DPP10: variants seen among roughly 807,000 people sequenced by gnomAD.
The protein encoded by DPP10 is inactive dipeptidyl peptidase 10.
In DPP10, 33 loss-of-function variants were observed where a neutral mutation model predicts 120.9. The observed-to-expected ratio is 0.27, with a 90% CI of 0.21 to 0.37. The LOEUF (loss-of-function observed/expected upper bound fraction) is 0.37, where lower values mean the gene tolerates loss of function less well. DPP10 is among the 10% of genes least tolerant of loss of function. DPP10 has a pLI of 1.00. For missense variants in DPP10, 816 were observed against 942.8 expected (o/e 0.87, Z 1.76); for synonymous variants, 337 against 326.1 (o/e 1.03, Z -0.36).
At chr2:114,975,848 A>T (rs1020290384) in intron 1 of DPP10, among the ~76,000 whole-genome samples, 1 of 151,992 alleles carries the variant, frequency 6.6e-6, no homozygotes, top group African/African-American at 2.4e-5. Flanking sequence ...ATGGGGTTTC[A>T]CCATGTTGGC....
At chr2:115,160,026 C>T (rs888081806) in intron 1 of DPP10, among the ~76,000 whole-genome samples, 26 of 152,228 alleles carry the variant, frequency 1.7e-4, no homozygotes, top group Admixed American at 1.2e-3. Flanking sequence ...TATAAAAATG[C>T]GAACATTTTC....
At chr2:115,404,334 T>C (rs910825645) in intron 3 of DPP10, among the ~76,000 whole-genome samples, 8 of 152,102 alleles carry the variant, frequency 5.3e-5, no homozygotes, top group Admixed American at 3.3e-4. Context: ...AACAGGATGG[T>C]CCTACTCATG....
At chr2:114,481,985 AAGAGAG>A (rs149076386) in intron 1 of DPP10, among the ~76,000 whole-genome samples, 1 of 150,116 alleles carries the variant, frequency 6.7e-6, no homozygotes, top group African/African-American at 2.5e-5. Context: ...GAGAGAAAGA[AAGAGAG>A]AGAGAGAGAA....
intron 5 of DPP10, among the ~76,000 whole-genome samples, chr2:115,623,796 A>C (rs2085157791): frequency 6.6e-6 from 1 of 152,180 alleles, no homozygotes; most frequent in African/African-American, 2.4e-5. Context: ...TATCTCTAGC[A>C]AGATTTCCAA....
intron 1 of DPP10, among the ~76,000 whole-genome samples, chr2:114,824,171 G>C (rs1686334288): frequency 6.6e-6 from 1 of 152,176 alleles, no homozygotes; most frequent in Admixed American, 6.5e-5. Context: ...AGGATAATAG[G>C]ATGAGCTCAA....
chr2:115,704,186 A>G (rs1209809653), intron 7 of DPP10, among the ~76,000 whole-genome samples: 1 of 151,872 alleles, frequency 6.6e-6, no homozygotes, highest in African/African-American at 2.4e-5. Context: ...TCTGGATGAA[A>G]GACACCTGAC....
intron 5 of DPP10, among the ~76,000 whole-genome samples, chr2:115,650,992 CTGACAGAGAGCCCCA>C (rs2087721950): frequency 6.6e-6 from 1 of 152,000 alleles, no homozygotes; most frequent in African/African-American, 2.4e-5. Context: ...CCTAAATCCC[CTGACAGAGAGCCCCA>C]TGCCACCATA....
At chr2:114,912,753 C>A (rs1055929442) in intron 1 of DPP10, among the ~76,000 whole-genome samples, 1 of 152,292 alleles carries the variant, frequency 6.6e-6, no homozygotes, top group East Asian at 1.9e-4. Context: ...CATAGAGTGG[C>A]CCCCTCTCAT....
chr2:115,281,846 A>G (rs1209456752), intron 1 of DPP10, among the ~76,000 whole-genome samples: 1 of 152,144 alleles, frequency 6.6e-6, no homozygotes, highest in Non-Finnish European at 1.5e-5. Context: ...TTTTAAAAGT[A>G]AGGTGTATTT....
chr2:114,750,254 T>TA (rs796682957), intron 1 of DPP10, among the ~76,000 whole-genome samples: 14 of 147,594 alleles, frequency 9.5e-5, no homozygotes, highest in East Asian at 2.0e-4. Flanking sequence ...TGGAAGTTGT[T>TA]AAAAAAAAAA....
At chr2:115,545,755 A>T (rs1340409127) in intron 5 of DPP10, among the ~76,000 whole-genome samples, 1 of 152,040 alleles carries the variant, frequency 6.6e-6, no homozygotes, top group African/African-American at 2.4e-5. Flanking sequence ...GCTCACAAAG[A>T]CTATATGGGA....
chr2:115,234,025 A>G (rs1480136784), intron 1 of DPP10: 2 of 491,610 alleles, frequency 4.1e-6, no homozygotes, highest in African/African-American at 4.0e-5. Flanking sequence ...TTTTCAAGGT[A>G]CCTTTATCTT....
rs1269623235 is a variant in DPP10 at position 114,859,971 on chromosome 2, G to T, written c.60+417133G>T. 2.0e-5 allele frequency among the ~76,000 whole-genome samples: 3 copies of T among 152,156 alleles called. No homozygotes were observed. In the East Asian group the frequency reaches 5.8e-4, roughly 29 times the overall value. ...GACATAGGGTGGGGCTCAAGCTTAT[G>T]CATTTCTAATACAGTTTTATGCGAT... On this transcript the variant is annotated intron_variant, in intron 1 of 25. Coordinates refer to ENST00000410059, the MANE Select transcript of DPP10 (RefSeq NM_020868.6).
At chr2:115,721,103 C>G (rs531264021) in intron 7 of DPP10, among the ~76,000 whole-genome samples, 2 of 152,148 alleles carry the variant, frequency 1.3e-5, no homozygotes, top group Non-Finnish European at 2.9e-5. Context: ...AAAACATTGG[C>G]ATTGGAATTC....
intron 1 of DPP10, among the ~76,000 whole-genome samples, chr2:114,831,167 ATGT>A: frequency 6.6e-6 from 1 of 150,578 alleles, no homozygotes; most frequent in Non-Finnish European, 1.5e-5. Flanking sequence ...AAATGTATTA[ATGT>A]TGTAATTATA....
chr2:114,493,877 G>A (rs148940193), intron 1 of DPP10, among the ~76,000 whole-genome samples: 81 of 152,178 alleles, frequency 5.3e-4, no homozygotes, highest in African/African-American at 1.8e-3. Context: ...CTGGGAGTCA[G>A]GATACCTGGC....
intron 2 of DPP10, among the ~76,000 whole-genome samples, chr2:115,330,258 A>G (rs1321108681): frequency 2.0e-5 from 3 of 152,060 alleles, no homozygotes; most frequent in Non-Finnish European, 2.9e-5. Context: ...GTCTGTTCAT[A>G]TCTTTTGCCC....
At chr2:114,912,423 G>A (rs1229296288) in intron 1 of DPP10, among the ~76,000 whole-genome samples, 1 of 152,066 alleles carries the variant, frequency 6.6e-6, no homozygotes, top group African/African-American at 2.4e-5. Context: ...ACCTGTATGT[G>A]CCTCAGGAAA....
At chr2:115,217,908 A>G (rs780335072) in intron 1 of DPP10, among the ~76,000 whole-genome samples, 4 of 152,104 alleles carry the variant, frequency 2.6e-5, no homozygotes, top group Non-Finnish European at 4.4e-5. Flanking sequence ...CTCAGACCCC[A>G]GTCTAGGCTT....
Sources: allele counts gnomAD v4.1 joint callset (sites outside exome capture counted in the v4.1 genomes callset), GRCh38; gene constraint gnomAD v4.1.1; transcripts MANE v1.5; gene names NCBI Gene and HGNC (gene_info 2026-07-23, HGNC 2026-07-21).